Variants in MGAM2 observed in about 807,000 individuals in gnomAD.
MGAM2 encodes maltase-glucoamylase 2 (putative).
Under a neutral mutation model 96.1 loss-of-function variants are expected in MGAM2, and 98 were observed. The ratio of observed to expected loss-of-function variants is 1.02; its 90% CI spans 0.87 to 1.21. The LOEUF is 1.21. MGAM2 is among the 50% of genes most tolerant of loss of function. The probability of loss-of-function intolerance (pLI) is 0.00; values close to 1 mark genes in which losing one functional copy is unlikely to be tolerated. For missense variants in MGAM2, 2,055 were observed against 1,182.4 expected (o/e 1.74, Z -10.82); for synonymous variants, 749 against 414.8 (o/e 1.81, Z -9.79).
chr7:142,206,626 G>A (rs951923296), intron 45 of MGAM2, among the ~76,000 whole-genome samples: 2 of 152,086 alleles, frequency 1.3e-5, no homozygotes, highest in Admixed American at 1.3e-4. Flanking sequence ...AAGGAATAAA[G>A]CCATTTCCTA....
chr7:142,182,358 C>T (rs1199901566), intron 32 of MGAM2, among the ~76,000 whole-genome samples: 2 of 152,058 alleles, frequency 1.3e-5, no homozygotes, highest in Non-Finnish European at 2.9e-5. Flanking sequence ...CAAGCAGTGG[C>T]CTTGGAAGGG....
chr7:142,131,177 C>T (rs1310566268), intron 4 of MGAM2, 106 bp downstream of exon 4: 8 of 640,292 alleles, frequency 1.2e-5, no homozygotes, highest in Admixed American at 9.1e-5. Context: ...TGGTGGCTCA[C>T]GTCTGTAATC....
At chr7:142,158,430 C>T in intron 19 of MGAM2, 98 bp downstream of exon 19, 3 of 622,062 alleles carry the variant, frequency 4.8e-6, no homozygotes, top group Middle Eastern at 2.5e-4. Flanking sequence ...GCATTTATAT[C>T]AAAATATGAA....
chr7:142,160,974 A>G (rs908670853), intron 21 of MGAM2, among the ~76,000 whole-genome samples, 151 bp from the exon 22 acceptor site: 3 of 151,964 alleles, frequency 2.0e-5, no homozygotes, highest in Admixed American at 6.6e-5. Flanking sequence ...GCCTGCCCAC[A>G]CCCAGCTCCC....
At chr7:142,141,155 G>A (rs560890978) in intron 12 of MGAM2, 36 bp downstream of exon 12, 123 of 687,668 alleles carry the variant, frequency 1.8e-4, no homozygotes, top group Admixed American at 6.2e-4. Flanking sequence ...AATTATGATT[G>A]TTTTGGGGAG....
intron 3 of MGAM2, among the ~76,000 whole-genome samples, chr7:142,124,531 A>G (rs912377960): frequency 6.6e-6 from 1 of 152,092 alleles, no homozygotes; most frequent in Non-Finnish European, 1.5e-5. Context: ...TTTCTTCAAG[A>G]TTGCCTAGCT....
intron 37 of MGAM2, 87 bp downstream of exon 37, chr7:142,189,592 G>A: frequency 3.7e-6 from 2 of 534,802 alleles, no homozygotes; most frequent in African/African-American, 2.0e-5. Context: ...ATGTATCTAC[G>A]TGATCCGAGT....
rs1385000007 is a variant in MGAM2, at chr7:142,198,693, G to A, written c.5002G>A (p.Gly1668Ser). The stretch of plus-strand genomic sequence containing the variant: ...CCACATCAACCTTCATGTCAGAGGA[G>A]GCTACATCCTGCCCTGGCAAGAGCC... Reference protein sequence around the residue: ...LDHINLHVRGGYILPWQEPAM... With the variant: ...LDHINLHVRGSYILPWQEPAM... The change falls in exon 44 of 48, where the codon GGC (glycine) becomes AGC (serine). Residue 1668 changes from glycine (G) to serine (S), a missense_variant. Physicochemically the swap from Gly to Ser is moderately conservative, Grantham distance 56. Coordinates refer to ENST00000477922, the MANE Select transcript of MGAM2 (RefSeq NM_001293626.2). The A allele has an allele frequency of 4.3e-6, 3 of 703,990 alleles. No homozygotes were observed. The highest frequency in any genetic ancestry group is 7.8e-6 in the Non-Finnish European group (3 of 385,010). 43.6% of individuals were successfully genotyped at this position (703,990 alleles called of 1,614,324 possible).
At chr7:142,121,779 C>T (rs1339145224) in intron 3 of MGAM2, among the ~76,000 whole-genome samples, 1 of 151,222 alleles carries the variant, frequency 6.6e-6, no homozygotes, top group Non-Finnish European at 1.5e-5. Flanking sequence ...TGTAGTCCCT[C>T]CTCTGGATAT....
intron 3 of MGAM2, among the ~76,000 whole-genome samples, chr7:142,124,348 T>G (rs1043797112): frequency 6.6e-6 from 1 of 152,076 alleles, no homozygotes; most frequent in African/African-American, 2.4e-5. Context: ...CCCTCTGCAT[T>G]TTAGTGACAC....
intron 37 of MGAM2, among the ~76,000 whole-genome samples, chr7:142,193,950 A>C (rs1796948148): frequency 6.6e-6 from 1 of 152,076 alleles, no homozygotes; most frequent in East Asian, 1.9e-4. Flanking sequence ...ATGATGTCCC[A>C]TAGGCACTTC....
At chr7:142,192,176 C>T (rs954754553) in intron 37 of MGAM2, among the ~76,000 whole-genome samples, 5 of 152,046 alleles carry the variant, frequency 3.3e-5, no homozygotes, top group Admixed American at 3.3e-4. Flanking sequence ...TATCATGTTG[C>T]CCCTGGTGTT....
At chr7:142,198,431 C>CAAAG (rs1797119073) in intron 43 of MGAM2, among the ~76,000 whole-genome samples, 184 bp from the exon 44 acceptor site, 1 of 152,252 alleles carries the variant, frequency 6.6e-6, no homozygotes, top group Middle Eastern at 3.4e-3. Context: ...TCTGGAGAAA[C>CAAAG]AAAGACAAGT....
chr7:142,204,063 CT>C (rs1434510008), intron 45 of MGAM2, among the ~76,000 whole-genome samples: 1 of 151,806 alleles, frequency 6.6e-6, no homozygotes, highest in Non-Finnish European at 1.5e-5. Flanking sequence ...TTTGTCATCT[CT>C]TTTTTTTCTC....
chr7:142,182,244 C>T (rs1352790474), intron 32 of MGAM2, among the ~76,000 whole-genome samples: 1 of 152,148 alleles, frequency 6.6e-6, no homozygotes, highest in African/African-American at 2.4e-5. Flanking sequence ...GCCTTAGGGT[C>T]CAGCACTGGC....
At chr7:142,183,717 A>G (rs779975813) in intron 33 of MGAM2, among the ~76,000 whole-genome samples, 2 of 152,160 alleles carry the variant, frequency 1.3e-5, no homozygotes, top group African/African-American at 2.4e-5. Flanking sequence ...CCTTTGACCT[A>G]TCATGCTTAA....
rs529825309 is a variant in MGAM2 at position 142,171,423 on chromosome 7, C to T, written c.3334C>T (p.His1112Tyr). ...MNWNTWGMFA[H>Y]DEPPAYKKNS... ...CTGGAACACATGGGGAATGTTTGCT[C>T]ATGATGAGCCACCTGCGGTAGGGAC... The change falls in exon 28 of 48, where the codon CAT becomes TAT. Residue 1112 changes from histidine (H) to tyrosine (Y), a missense_variant. By Grantham distance (83) the His-to-Tyr change is moderately conservative (BLOSUM62 2). Transcript: ENST00000477922. 26 of 702,836 alleles carry T rather than the reference C, an allele frequency of 3.7e-5. No individual in the cohort carries two copies. Among genetic ancestry groups the T allele is most frequent in the Non-Finnish European group, 6.2e-5 (24 of 384,860 alleles). The allele number at this position is 702,836 out of a possible 1,614,324, so 43.5% of individuals were successfully genotyped here.
chr7:142,175,399 A>AAAGG (rs1435516092), intron 31 of MGAM2, among the ~76,000 whole-genome samples: 2 of 151,966 alleles, frequency 1.3e-5, no homozygotes, highest in Non-Finnish European at 2.9e-5. Context: ...TGAGGAAAGG[A>AAAGG]AAGGGGATAG....
rs569548645 is a variant in MGAM2 at position 142,167,434 on chromosome 7, G to A, written c.2975G>A (p.Ser992Asn). The A allele has an allele frequency of 2.8e-6, 2 of 702,994 alleles. No homozygotes were observed. The highest frequency in any genetic ancestry group is 2.7e-5 in the East Asian group (1 of 37,290). 43.5% of individuals were successfully genotyped at this position (702,994 alleles called of 1,614,324 possible). A position where few individuals can be genotyped will look rare whatever the true frequency, so the allele number is the denominator to read the frequency against. ...AASDSLSAKI[S>N]FLHLKVIYHT... ...TCTGATTCTCTCTCTGCAAAGATCA[G>A]CTTCCTCCACCTGAAAGTGATCTAT... is the stretch of plus-strand genomic sequence containing the variant. Residue 992 changes from serine to asparagine, a missense_variant, in exon 26 of 48, where the codon AGC becomes AAC. Transcript: ENST00000477922.
Sources: allele counts gnomAD v4.1 joint callset (sites outside exome capture counted in the v4.1 genomes callset), GRCh38; gene constraint gnomAD v4.1.1; transcripts MANE v1.5; gene names NCBI Gene and HGNC (gene_info 2026-07-23, HGNC 2026-07-21).